Variants in LRP1B observed in about 807,000 individuals in gnomAD.
LRP1B encodes LDL receptor related protein 1B, also known as low-density lipoprotein receptor-related protein 1B.
Under a neutral mutation model 556.6 loss-of-function variants are expected in LRP1B, and 217 were observed. The ratio of observed to expected loss-of-function variants is 0.39; its 90% CI spans 0.35 to 0.44. The LOEUF (loss-of-function observed/expected upper bound fraction) is 0.44, where lower values mean the gene tolerates loss of function less well. Ranked by LOEUF, LRP1B falls within the 20% of genes least tolerant of loss-of-function variation. The pLI, the probability that LRP1B is intolerant of heterozygous loss-of-function variation, is 1.00. For missense variants in LRP1B, 5,053 were observed against 5,620.8 expected (o/e 0.90, Z 3.23); for synonymous variants, 2,047 against 1,865.8 (o/e 1.10, Z -2.50).
chr2:140,322,806 T>C (rs1680220447), intron 81 of LRP1B, among the ~76,000 whole-genome samples: 1 of 152,058 alleles, frequency 6.6e-6, no homozygotes, highest in Non-Finnish European at 1.5e-5. Context: ...CTGGTGACTA[T>C]GAGAGTGGCT....
chr2:142,065,453 C>A (rs892152595), intron 1 of LRP1B, among the ~76,000 whole-genome samples: 2 of 151,012 alleles, frequency 1.3e-5, no homozygotes, highest in African/African-American at 4.8e-5. Flanking sequence ...TCATAGATTG[C>A]CACATCTCCC....
intron 1 of LRP1B, among the ~76,000 whole-genome samples, chr2:141,883,685 C>T (rs989454953): frequency 3.3e-5 from 5 of 152,050 alleles, no homozygotes; most frequent in Non-Finnish European, 7.4e-5. Context: ...GACTGTGCTG[C>T]TGCACTTTAG....
intron 41 of LRP1B, among the ~76,000 whole-genome samples, chr2:140,615,176 C>T (rs977336353): frequency 1.8e-4 from 27 of 152,208 alleles, no homozygotes; most frequent in African/African-American, 6.5e-4. Flanking sequence ...TCAAACCTTG[C>T]ATTCTGATGG....
intron 3 of LRP1B, among the ~76,000 whole-genome samples, chr2:141,257,676 C>A (rs145925469): frequency 6.6e-6 from 1 of 152,022 alleles, no homozygotes; most frequent in Non-Finnish European, 1.5e-5. Flanking sequence ...ACTTATCCTG[C>A]GTGAGGATTT....
chr2:141,718,314 G>A lies in LRP1B; in HGVS notation c.205+91965C>T, dbSNP rs538309840. 8.5e-5 allele frequency among the ~76,000 whole-genome samples: 13 copies of A among 152,058 alleles called. No homozygotes were observed. The South Asian group carries it at 1.0e-3, about 12-fold the overall frequency. On this transcript the variant is annotated intron_variant, in intron 2 of 90. Transcript: ENST00000389484. ...TATTCTTTCCCCTTGCCTCACTGCC[G>A]TTGGCAATAGCTTAAACCATGTTTG...
intron 84 of LRP1B, among the ~76,000 whole-genome samples, chr2:140,278,377 C>T (rs904909723): frequency 6.6e-6 from 1 of 151,916 alleles, no homozygotes; most frequent in Non-Finnish European, 1.5e-5. Context: ...ACAGAGAATG[C>T]TTTTTCTTTT....
intron 3 of LRP1B, among the ~76,000 whole-genome samples, chr2:141,294,207 CT>C (rs1256012280): frequency 6.6e-6 from 1 of 151,940 alleles, no homozygotes; most frequent in Non-Finnish European, 1.5e-5. Context: ...GCTTTTATGA[CT>C]AGAAATTCAA....
intron 1 of LRP1B, among the ~76,000 whole-genome samples, chr2:142,090,856 T>C (rs1193993936): frequency 1.3e-5 from 2 of 152,152 alleles, no homozygotes; most frequent in African/African-American, 4.8e-5. Context: ...AATGCACTAA[T>C]ATGAGAAGCT....
chr2:141,585,373 TTAGTAGGC>T (rs1687100520), intron 2 of LRP1B, among the ~76,000 whole-genome samples: 1 of 151,890 alleles, frequency 6.6e-6, no homozygotes, highest in Non-Finnish European at 1.5e-5. Flanking sequence ...AATACTCATG[TTAGTAGGC>T]AACAAATGTA....
intron 3 of LRP1B, among the ~76,000 whole-genome samples, chr2:141,315,934 T>C: frequency 8.9e-6 from 1 of 112,776 alleles, no homozygotes; most frequent in East Asian, 3.0e-4. Context: ...TCTACATTAG[T>C]ATCCACAGGC....
chr2:140,274,625 A>T (rs2104952934), intron 84 of LRP1B, 27 bp from the exon 85 acceptor site: 4 of 1,588,050 alleles, frequency 2.5e-6, no homozygotes, highest in Non-Finnish European at 3.4e-6. Context: ...CAACAGAAAA[A>T]TAAAATTATA....
At position 140,920,405 on chromosome 2, in the gene LRP1B, A is replaced by G. The variant is rs77563601; in HGVS notation, c.3319+2560T>C. Among the ~76,000 whole-genome samples the G allele has an allele frequency of 9.5e-4, 144 of 152,212 alleles. 2 individuals are homozygous for G. In the East Asian group the frequency reaches 0.025, roughly 27 times the overall value. On this transcript the variant is annotated intron_variant, in intron 21 of 90. Coordinates refer to ENST00000389484, the MANE Select transcript of LRP1B (RefSeq NM_018557.3). ...GTATAAGAAAGCTATTCTAATTACC[A>G]TATATAAATTAATTAGCCTGAAACT...
chr2:141,072,905 T>C, intron 7 of LRP1B, among the ~76,000 whole-genome samples: 1 of 152,092 alleles, frequency 6.6e-6, no homozygotes, highest in East Asian at 1.9e-4. Context: ...ATCCTCTCTT[T>C]TTGTTTAGTC....
chr2:142,123,686 A>C (rs1179643094), intron 1 of LRP1B, among the ~76,000 whole-genome samples: 1 of 142,496 alleles, frequency 7.0e-6, no homozygotes, highest in African/African-American at 2.6e-5. Context: ...TTTTTCTCTT[A>C]ACAAAGTTGG....
chr2:141,556,243 C>T (rs80090965), intron 2 of LRP1B, among the ~76,000 whole-genome samples: 1,630 of 151,950 alleles, frequency 0.011, 14 homozygotes, highest in Middle Eastern at 0.017. Flanking sequence ...TAAGAATGTA[C>T]GGGCATTGAA....
In LRP1B at chr2:140,658,896, T is replaced by G. The variant is rs112535992; in HGVS notation, c.6799+41354A>C. The stretch of plus-strand genomic sequence containing the variant: ...AAATCTGTTCAGTGAGCTGAAAATT[T>G]GTCAGATAATGGGCTGTTTATGAAT... On this transcript the variant is annotated intron_variant, in intron 41 of 90. Coordinates refer to ENST00000389484, the MANE Select transcript of LRP1B (RefSeq NM_018557.3). Among the ~76,000 whole-genome samples, 879 of 152,054 alleles carry G rather than the reference T, an allele frequency of 5.8e-3. 6 individuals are homozygous for G. The highest frequency in any genetic ancestry group is 0.017 in the Middle Eastern group (5 of 294).
intron 69 of LRP1B, 152 bp from the exon 70 acceptor site, chr2:140,371,437 A>C: frequency 2.7e-6 from 1 of 369,840 alleles, no homozygotes; most frequent in Non-Finnish European, 4.9e-6. Context: ...TTACAGATTC[A>C]TTTAAATTAT....
chr2:141,640,589 T>C (rs1035856226), intron 2 of LRP1B, among the ~76,000 whole-genome samples: 1 of 152,100 alleles, frequency 6.6e-6, no homozygotes, highest in Admixed American at 6.6e-5. Context: ...GCGGATCACT[T>C]GAGGTCAAGA....
chr2:141,258,089 A>G (rs1294653968), intron 3 of LRP1B, among the ~76,000 whole-genome samples: 1 of 152,242 alleles, frequency 6.6e-6, no homozygotes, highest in Non-Finnish European at 1.5e-5. Context: ...GACCACTTGT[A>G]TCTCAGGGAA....
Sources: gnomAD v4.1 joint callset for allele counts (sites outside exome capture counted in the v4.1 genomes callset) on GRCh38, gnomAD v4.1.1 for gene constraint, MANE v1.5 for transcripts, NCBI Gene and HGNC (gene_info 2026-07-23, HGNC 2026-07-21) for gene names.